Variants in PCDH15 observed in about 807,000 individuals in gnomAD.
PCDH15 encodes protocadherin-15.
Under a neutral mutation model 178.5 loss-of-function variants are expected in PCDH15, and 129 were observed. That is an observed-to-expected ratio of 0.72 (90% CI 0.63 to 0.84). The LOEUF (loss-of-function observed/expected upper bound fraction) is 0.84. PCDH15 is among the 40% of genes least tolerant of loss of function. The pLI is 0.00. For missense variants in PCDH15, 2,230 were observed against 2,099.9 expected (o/e 1.06, Z -1.21); for synonymous variants, 800 against 732.0 (o/e 1.09, Z -1.50).
At chr10:53,948,073 C>T (rs781522958) in intron 23 of PCDH15, among the ~76,000 whole-genome samples, 11 of 152,070 alleles carry the variant, frequency 7.2e-5, no homozygotes, top group Admixed American at 2.6e-4. Flanking sequence ...GTTTGACTTT[C>T]GGTTTTTTAC....
Position 54,299,354 on chromosome 10 carries a change from C to A in PCDH15, c.876+17917G>T, listed in dbSNP as rs534192146. Among the ~76,000 whole-genome samples, 427 of 151,672 alleles carry A rather than the reference C, an allele frequency of 2.8e-3. 2 individuals are homozygous for A. Among genetic ancestry groups the A allele is most frequent in the South Asian group, 7.1e-3 (34 of 4,808 alleles). ...GACAGACAAAGAAGAGAGAGACAGA[C>A]AAGAAGTCAAAGAGAGAGAAAGAGG... On this transcript the variant is annotated intron_variant, in intron 8 of 37. Transcript: ENST00000644397.
intron 7 of PCDH15, among the ~76,000 whole-genome samples, chr10:54,320,759 C>T (rs973396423): frequency 6.6e-6 from 1 of 151,680 alleles, no homozygotes; most frequent in African/African-American, 2.4e-5. Context: ...CTGCTTCTGA[C>T]GGTCTTAAAA....
At chr10:54,152,336 C>A (rs1023193947) in intron 14 of PCDH15, among the ~76,000 whole-genome samples, 2 of 151,800 alleles carry the variant, frequency 1.3e-5, no homozygotes. Flanking sequence ...GAGGATAAAT[C>A]GAAAAGTTTA....
At chr10:54,813,908 C>T (rs1175404315) in intron 3 of PCDH15, among the ~76,000 whole-genome samples, 1 of 152,140 alleles carries the variant, frequency 6.6e-6, no homozygotes, top group African/African-American at 2.4e-5. Context: ...TTATTCCACT[C>T]TCCTCTTGTC....
At chr10:54,037,744 CAG>C (rs1412129186) in intron 18 of PCDH15, among the ~76,000 whole-genome samples, 2 of 151,958 alleles carry the variant, frequency 1.3e-5, no homozygotes, top group Admixed American at 6.6e-5. Flanking sequence ...CTTTGAGAAA[CAG>C]AAACTCTACA....
intron 2 of PCDH15, among the ~76,000 whole-genome samples, chr10:55,407,286 A>G (rs982321073): frequency 6.6e-6 from 1 of 152,200 alleles, no homozygotes; most frequent in Non-Finnish European, 1.5e-5. Context: ...CAGAAAAATA[A>G]TTGATGATGT....
intron 2 of PCDH15, among the ~76,000 whole-genome samples, chr10:54,989,994 T>C (rs1379459009): frequency 6.6e-6 from 1 of 152,166 alleles, no homozygotes; most frequent in African/African-American, 2.4e-5. Flanking sequence ...ACAAGCTCTC[T>C]TTGCCTGCTG....
At chr10:54,709,692 GTGTA>G (rs1411079449) in intron 1 of PCDH15, among the ~76,000 whole-genome samples, 13 of 145,694 alleles carry the variant, frequency 8.9e-5, no homozygotes, top group Non-Finnish European at 1.6e-4. Context: ...GTGTGTGTGT[GTGTA>G]TATATATATT....
intron 8 of PCDH15, among the ~76,000 whole-genome samples, chr10:54,268,830 T>G (rs1365493888): frequency 6.6e-6 from 1 of 151,888 alleles, no homozygotes; most frequent in East Asian, 1.9e-4. Context: ...TCTTCATTGA[T>G]TTAAGATATT....
At chr10:54,792,787 G>T (rs1310417438) in intron 1 of PCDH15, among the ~76,000 whole-genome samples, 1 of 151,760 alleles carries the variant, frequency 6.6e-6, no homozygotes, top group Non-Finnish European at 1.5e-5. Flanking sequence ...TAACCTATTT[G>T]TCACCTATCT....
intron 2 of PCDH15, among the ~76,000 whole-genome samples, chr10:54,988,200 C>G (rs1839417505): frequency 6.6e-6 from 1 of 152,164 alleles, no homozygotes. Context: ...TCTGAGGTCT[C>G]TTTTCTGTTC....
chr10:55,404,774 A>C (rs1184493403), intron 2 of PCDH15, among the ~76,000 whole-genome samples: 2 of 151,832 alleles, frequency 1.3e-5, no homozygotes, highest in African/African-American at 4.8e-5. Flanking sequence ...GAAGAATTTT[A>C]TATAAATAAT....
chr10:53,807,694 T>C (rs1218414689), intron 37 of PCDH15, among the ~76,000 whole-genome samples: 1 of 152,194 alleles, frequency 6.6e-6, no homozygotes. Flanking sequence ...TATAATTTAA[T>C]GCATTTATTT....
chr10:54,009,478 G>C (rs1314750326), intron 20 of PCDH15, among the ~76,000 whole-genome samples: 1 of 152,128 alleles, frequency 6.6e-6, no homozygotes, highest in Non-Finnish European at 1.5e-5. Flanking sequence ...AGATAATCCA[G>C]GTCAAGTGTA....
At chr10:55,335,440 T>TA (rs1380648694) in intron 2 of PCDH15, among the ~76,000 whole-genome samples, 4 of 152,064 alleles carry the variant, frequency 2.6e-5, no homozygotes, top group Non-Finnish European at 5.9e-5. Context: ...AATGAAAAAA[T>TA]AAAAAACAAG....
At chr10:54,897,615 C>T (rs115624767) in intron 2 of PCDH15, 1 of 152,088 alleles carries the variant, frequency 6.6e-6, no homozygotes, top group East Asian at 1.9e-4. Context: ...TTCTTTATAA[C>T]TTCTGGTGTT....
intron 2 of PCDH15, among the ~76,000 whole-genome samples, chr10:54,620,926 A>G (rs909456192): frequency 6.6e-6 from 1 of 151,996 alleles, no homozygotes; most frequent in Non-Finnish European, 1.5e-5. Flanking sequence ...ATTTATTACT[A>G]TTTTAATAAA....
intron 2 of PCDH15, among the ~76,000 whole-genome samples, chr10:55,371,664 T>G (rs1053625269): frequency 6.6e-6 from 1 of 152,096 alleles, no homozygotes; most frequent in Admixed American, 6.6e-5. Flanking sequence ...CCCTTCACCC[T>G]TACACCATGA....
intron 2 of PCDH15, among the ~76,000 whole-genome samples, chr10:54,538,130 T>C (rs1194176071): frequency 6.6e-6 from 1 of 152,234 alleles, no homozygotes; most frequent in African/African-American, 2.4e-5. Context: ...TAGGTCCCAC[T>C]TGTCAATTTT....
Sources: gnomAD v4.1 joint callset for allele counts (sites outside exome capture counted in the v4.1 genomes callset) on GRCh38, gnomAD v4.1.1 for gene constraint, MANE v1.5 for transcripts, NCBI Gene and HGNC (gene_info 2026-07-23, HGNC 2026-07-21) for gene names.